The following C19orf47 variants were observed in gnomAD, a reference collection of about 807,000 sequenced individuals.
The protein encoded by C19orf47 is chromosome 19 open reading frame 47, also known as uncharacterized protein C19orf47.
A neutral mutation model predicts 32.3 loss-of-function variants in C19orf47; 18 were observed. The ratio of observed to expected loss-of-function variants is 0.56; its 90% CI spans 0.39 to 0.83. C19orf47 has a LOEUF of 0.83. Among genes scored for constraint, C19orf47 ranks in the 40% least tolerant of loss-of-function variants. C19orf47 has a pLI of 0.00. For synonymous variants in C19orf47, 202 were observed against 211.1 expected (o/e 0.96, Z 0.37); for missense variants, 484 against 531.6 (o/e 0.91, Z 0.88).
At chr19:40,295,367 G>A in the C19orf47 span, among the ~76,000 whole-genome samples, 1 of 151,614 alleles carries the variant, frequency 6.6e-6, no homozygotes, top group African/African-American at 2.4e-5. Flanking sequence ...GAAGAAAAGA[G>A]GACAGAAAGG....
chr19:40,299,942 T>C, the C19orf47 span, among the ~76,000 whole-genome samples: 481 of 151,986 alleles, frequency 3.2e-3, 1 homozygote, highest in Middle Eastern at 6.8e-3. Flanking sequence ...GGCAGGAGAA[T>C]CGCTTGAACC....
intron 6 of C19orf47, among the ~76,000 whole-genome samples, chr19:40,327,382 G>A (rs1351634170): frequency 1.4e-5 from 2 of 147,508 alleles, no homozygotes; most frequent in African/African-American, 5.0e-5. Flanking sequence ...TTGAGCTCCT[G>A]GGCTCAAGTG....
downstream of C19orf47, among the ~76,000 whole-genome samples, chr19:40,315,954 T>A (rs1049510882): frequency 6.6e-6 from 1 of 151,308 alleles, no homozygotes; most frequent in African/African-American, 2.4e-5. Flanking sequence ...CAAGCCCCTA[T>A]CTATAAATGA....
At chr19:40,311,413 G>A in the C19orf47 span, among the ~76,000 whole-genome samples, 3 of 151,354 alleles carry the variant, frequency 2.0e-5, no homozygotes, top group Admixed American at 6.6e-5. Context: ...GTGGTGGCAC[G>A]CACCTGTAGT....
At position 40,328,478 on chromosome 19, in the gene C19orf47, G is replaced by A. The variant is rs747278159; in HGVS notation, c.374C>T (p.Thr125Ile). 2 of 1,612,308 alleles carry A rather than the reference G, an allele frequency of 1.2e-6. No individual in the cohort carries two copies. Among genetic ancestry groups the A allele is most frequent in the Non-Finnish European group, 1.7e-6 (2 of 1,179,260 alleles). The change falls in exon 6 of 9, where the codon ACC (threonine) becomes ATC (isoleucine). Residue 125 changes from threonine to isoleucine, a missense_variant. Thr to Ile is a moderately conservative substitution (Grantham distance 89, BLOSUM62 -1). Around this residue, in one of 3 missense-constraint regions of C19orf47, gnomAD observed 376 missense variants for 370.2 expected, o/e 1.02. Transcript: ENST00000683109. Reference protein sequence around the residue: ...PPSTPPRRPDTSTSKISVTVS... With the variant: ...PPSTPPRRPDISTSKISVTVS... ...AGTGACCGAGATCTTGGAGGTGCTGGTGTCCGGGCGCCTGGGGGGTGTGCT... is the reference window on the plus strand; with the variant it reads ...AGTGACCGAGATCTTGGAGGTGCTGATGTCCGGGCGCCTGGGGGGTGTGCT...
chr19:40,348,256 A>AGACACCCGGAC (rs2078368158), intron 1 of C19orf47, 68 bp downstream of exon 1: 1 of 1,120,130 alleles, frequency 8.9e-7, no homozygotes, highest in African/African-American at 1.6e-5. Flanking sequence ...AACTGAGTCC[A>AGACACCCGGAC]GACACCCGGA....
chr19:40,348,381 A>G lies in C19orf47; in HGVS notation c.-91T>C. 7.0e-7 allele frequency: 1 copy of G among 1,422,774 alleles called. No homozygotes were observed. The highest frequency in any genetic ancestry group is 2.0e-4 in the Middle Eastern group (1 of 5,004). The allele number at this position is 1,422,774 out of a possible 1,614,324, so 88.1% of individuals were successfully genotyped here. On this transcript the variant is annotated 5_prime_UTR_variant, in exon 1 of 9. Transcript: ENST00000683109. ...CCCGCCCTCCCTCCCGGCGGCGCCA[A>G]CTGTCAGACACTCCTCCCCCGGCCC...
the C19orf47 span, among the ~76,000 whole-genome samples, chr19:40,292,987 C>T: frequency 6.6e-6 from 1 of 152,142 alleles, no homozygotes; most frequent in African/African-American, 2.4e-5. Flanking sequence ...TACACCTCCT[C>T]CCTGCACCCT....
intron 4 of C19orf47, among the ~76,000 whole-genome samples, chr19:40,335,260 C>T (rs1390909261): frequency 6.6e-6 from 1 of 152,130 alleles, no homozygotes; most frequent in Admixed American, 6.6e-5. Context: ...GAAGGTGGGT[C>T]ACTATAAGTG....
At chr19:40,315,779 CAAA>C (rs1003998016), downstream of C19orf47, among the ~76,000 whole-genome samples, 1 of 124,544 alleles carries the variant, frequency 8.0e-6, no homozygotes, top group Non-Finnish European at 1.7e-5. Context: ...CACTCCATCT[CAAA>C]AAAAAAAAAA....
At chr19:40,325,257 A>G (rs2077805565) in intron 7 of C19orf47, among the ~76,000 whole-genome samples, 1 of 152,028 alleles carries the variant, frequency 6.6e-6, no homozygotes, top group East Asian at 1.9e-4. Context: ...GTAACAGAGC[A>G]AGACTCCGTT....
chr19:40,330,174 TTGCC>T (rs2077919364), intron 5 of C19orf47, among the ~76,000 whole-genome samples: 1 of 152,170 alleles, frequency 6.6e-6, no homozygotes, highest in Admixed American at 6.6e-5. Context: ...CTTTCTTTCT[TTGCC>T]TGTTTCCCCT....
chr19:40,316,634 C>T (rs1286443787), downstream of C19orf47, among the ~76,000 whole-genome samples: 1 of 152,198 alleles, frequency 6.6e-6, no homozygotes, highest in African/African-American at 2.4e-5. Flanking sequence ...CTCTTCATTC[C>T]TTTATGAAAT....
At chr19:40,293,877 T>C in the C19orf47 span, among the ~76,000 whole-genome samples, 2 of 151,922 alleles carry the variant, frequency 1.3e-5, no homozygotes, top group African/African-American at 2.4e-5. Flanking sequence ...TCCTAGCATT[T>C]TGGGAGGCCA....
chr19:40,334,145 C>T (rs1293849539), intron 4 of C19orf47, among the ~76,000 whole-genome samples: 1 of 152,212 alleles, frequency 6.6e-6, no homozygotes, highest in East Asian at 1.9e-4. Context: ...GAAGTTCAGC[C>T]TCCTCACCTA....
chr19:40,304,314 C>G, the C19orf47 span, among the ~76,000 whole-genome samples: 3 of 152,130 alleles, frequency 2.0e-5, no homozygotes, highest in African/African-American at 7.2e-5. Flanking sequence ...TGGGGAACAG[C>G]AAGGGCAGGG....
chr19:40,335,618 T>A (rs2145583231), intron 4 of C19orf47, among the ~76,000 whole-genome samples: 1 of 151,754 alleles, frequency 6.6e-6, no homozygotes, highest in East Asian at 1.9e-4. Context: ...ATTTTTTTTT[T>A]TTTTTTTTCT....
chr19:40,345,948 A>G (rs1191404905), intron 1 of C19orf47, among the ~76,000 whole-genome samples: 1 of 151,576 alleles, frequency 6.6e-6, no homozygotes, highest in Non-Finnish European at 1.5e-5. Flanking sequence ...CAAGGTCAGG[A>G]GTTTGAGACC....
At chr19:40,345,586 A>G (rs2078258026) in intron 1 of C19orf47, among the ~76,000 whole-genome samples, 1 of 150,812 alleles carries the variant, frequency 6.6e-6, no homozygotes, top group Non-Finnish European at 1.5e-5. Flanking sequence ...TCACGCCTGT[A>G]ATCACAGCAC....
Sources: allele counts gnomAD v4.1 joint callset (sites outside exome capture counted in the v4.1 genomes callset), GRCh38; gene constraint gnomAD v4.1.1; regional missense constraint gnomAD v4.1.1; transcripts MANE v1.5; gene names NCBI Gene and HGNC (gene_info 2026-07-23, HGNC 2026-07-21).